ALPK1: variants seen among roughly 807,000 people sequenced by gnomAD.
ALPK1 encodes the protein alpha kinase 1, also known as alpha-protein kinase 1.
A neutral mutation model predicts 120.6 loss-of-function variants in ALPK1; 110 were observed. The observed-to-expected ratio is 0.91, with a 90% CI of 0.78 to 1.07. ALPK1 has a LOEUF of 1.07. Among genes scored for constraint, ALPK1 ranks in the 50% least tolerant of loss-of-function variants. ALPK1 has a pLI of 0.00. For synonymous variants in ALPK1, 582 were observed against 560.3 expected, an observed-to-expected ratio of 1.04 and a Z score of -0.55; for missense variants, 1,498 against 1,483.9, an observed-to-expected ratio of 1.01 and a Z score of -0.16.
chr4:112,391,124 T>G (rs1290055726), intron 4 of ALPK1, among the ~76,000 whole-genome samples: 2 of 152,204 alleles, frequency 1.3e-5, no homozygotes, highest in Non-Finnish European at 2.9e-5. Flanking sequence ...GAATATACCT[T>G]CCCATGGAGA....
chr4:112,299,675 T>C (rs1052072203), intron 1 of ALPK1, among the ~76,000 whole-genome samples: 9 of 152,188 alleles, frequency 5.9e-5, no homozygotes, highest in Admixed American at 2.6e-4. Context: ...CAGAGCTCAG[T>C]TGACAATGCA....
chr4:112,324,661 T>C (rs539177419), intron 2 of ALPK1, among the ~76,000 whole-genome samples: 1 of 152,218 alleles, frequency 6.6e-6, no homozygotes, highest in African/African-American at 2.4e-5. Flanking sequence ...ATTTTTATTT[T>C]ATCTAAGGTT....
intron 13 of ALPK1, 133 bp downstream of exon 13, chr4:112,438,779 C>CTCTCTTGGAAAGTA: frequency 3.0e-6 from 3 of 985,964 alleles, no homozygotes; most frequent in Non-Finnish European, 4.5e-6. Context: ...CCTGTACTTT[C>CTCTCTTGGAAAGTA]CAAGAGAGAA....
In ALPK1 at chr4:112,353,272, G is replaced by A. The variant is rs1041153689; in HGVS notation, c.-100-24406G>A. Among the ~76,000 whole-genome samples the A allele has an allele frequency of 2.0e-5, 3 of 152,030 alleles. No homozygotes were observed. The South Asian group carries it at 6.2e-4, about 32-fold the overall frequency. On this transcript the variant is annotated intron_variant, in intron 2 of 15. Coordinates refer to ENST00000650871, the MANE Select transcript of ALPK1 (RefSeq NM_025144.4). The stretch of plus-strand genomic sequence containing the variant: ...ATTACAGGTGTGATCACCGAACCTG[G>A]CCATACTTCACTTTTCTAATCCACT...
intron 2 of ALPK1, chr4:112,316,319 G>A (rs1728632908): frequency 6.6e-6 from 1 of 152,138 alleles, no homozygotes; most frequent in Non-Finnish European, 1.5e-5. Flanking sequence ...ACTGGCTTCT[G>A]TCCTCAAGGT....
At chr4:112,383,994 G>C (rs558403658) in intron 4 of ALPK1, 1 of 152,108 alleles carries the variant, frequency 6.6e-6, no homozygotes, top group Non-Finnish European at 1.5e-5. Context: ...TGCTGCAAGC[G>C]AAAAACAGAA....
At chr4:112,413,257 A>T (rs1392984043) in intron 5 of ALPK1, among the ~76,000 whole-genome samples, 1 of 152,190 alleles carries the variant, frequency 6.6e-6, no homozygotes, top group Non-Finnish European at 1.5e-5. Flanking sequence ...CAGGGTTCTA[A>T]TATTGGTTCT....
intron 4 of ALPK1, among the ~76,000 whole-genome samples, chr4:112,411,307 C>T (rs973811803): frequency 2.0e-5 from 3 of 152,196 alleles, no homozygotes; most frequent in Non-Finnish European, 4.4e-5. Flanking sequence ...TCCCTGCAAC[C>T]TCCGCCTCCT....
chr4:112,426,298 T>G (rs1734228558), intron 7 of ALPK1, 169 bp from the exon 8 acceptor site: 1 of 427,712 alleles, frequency 2.3e-6, no homozygotes, highest in Admixed American at 4.2e-5. Context: ...TTGTCTATAT[T>G]ACAACTGGAA....
chr4:112,342,478 A>G (rs1011321194), intron 2 of ALPK1, among the ~76,000 whole-genome samples: 7 of 152,142 alleles, frequency 4.6e-5, no homozygotes, highest in African/African-American at 1.7e-4. Context: ...GATGCTTTTG[A>G]TATTTACTAT....
chr4:112,368,512 A>G (rs1731254640), intron 2 of ALPK1, among the ~76,000 whole-genome samples: 3 of 152,088 alleles, frequency 2.0e-5, no homozygotes. Context: ...GTGACATTTG[A>G]TCAGGAGCTC....
At chr4:112,359,610 G>T in intron 2 of ALPK1, 1 of 248,138 alleles carries the variant, frequency 4.0e-6, no homozygotes, top group Admixed American at 4.4e-5. Context: ...CAAGAAGCCT[G>T]GGAAGACCCA....
At chr4:112,317,714 AT>A (rs1728697882) in intron 2 of ALPK1, among the ~76,000 whole-genome samples, 1 of 152,106 alleles carries the variant, frequency 6.6e-6, no homozygotes, top group African/African-American at 2.4e-5. Flanking sequence ...GAGATTCTAT[AT>A]AAATTTTAGG....
chr4:112,398,137 A>G (rs1732746348), intron 4 of ALPK1, among the ~76,000 whole-genome samples: 1 of 152,198 alleles, frequency 6.6e-6, no homozygotes, highest in South Asian at 2.1e-4. Flanking sequence ...AGCATTGCAG[A>G]TGGAAGGAGC....
At chr4:112,373,761 T>A (rs1731525259) in intron 2 of ALPK1, among the ~76,000 whole-genome samples, 1 of 152,190 alleles carries the variant, frequency 6.6e-6, no homozygotes, top group African/African-American at 2.4e-5. Flanking sequence ...GTTACATGAA[T>A]GTTTTTGTTT....
intron 2 of ALPK1, among the ~76,000 whole-genome samples, chr4:112,324,154 C>T (rs1437997081): frequency 2.0e-5 from 3 of 151,990 alleles, no homozygotes; most frequent in Admixed American, 1.3e-4. Flanking sequence ...AGTGAAACCC[C>T]GTCTCTACTA....
intron 2 of ALPK1, among the ~76,000 whole-genome samples, chr4:112,322,064 G>A (rs1728889083): frequency 6.6e-6 from 1 of 152,206 alleles, no homozygotes; most frequent in Admixed American, 6.5e-5. Context: ...TGATGTGAAT[G>A]ACGGCAAACA....
intron 2 of ALPK1, among the ~76,000 whole-genome samples, chr4:112,337,083 T>C (rs967098779): frequency 1.3e-5 from 2 of 152,134 alleles, no homozygotes; most frequent in African/African-American, 4.8e-5. Context: ...TTTCCCATTC[T>C]GAAAAGAGTC....
chr4:112,426,040 T>C, intron 7 of ALPK1: 1 of 278,954 alleles, frequency 3.6e-6, no homozygotes, highest in Non-Finnish European at 6.8e-6. Flanking sequence ...TCAGCAGGAC[T>C]CCATGTGATA....
Sources: allele counts gnomAD v4.1 joint callset (sites outside exome capture counted in the v4.1 genomes callset), GRCh38; gene constraint gnomAD v4.1.1; transcripts MANE v1.5; gene names NCBI Gene and HGNC (gene_info 2026-07-23, HGNC 2026-07-21).